Variants in CEBPZOS observed in about 807,000 individuals in gnomAD.
CEBPZOS encodes the protein protein CEBPZOS.
Under a neutral mutation model 4.8 loss-of-function variants are expected in CEBPZOS, and 10 were observed. That is an observed-to-expected ratio of 2.07 (90% CI 1.28 to 3.52). The LOEUF is 3.52. CEBPZOS is among the 30% of genes most tolerant of loss of function. The probability of loss-of-function intolerance (pLI) is 0.00; values close to 1 mark genes in which losing one functional copy is unlikely to be tolerated. For synonymous variants in CEBPZOS, 25 were observed against 14.2 expected (o/e 1.77, Z -1.72); for missense variants, 98 against 43.6 (o/e 2.25, Z -3.51).
chr2:37,209,265 A>G (rs1384776433), downstream of CEBPZOS: 1 of 152,168 alleles, frequency 6.6e-6, no homozygotes, highest in South Asian at 2.1e-4. Flanking sequence ...AAATGCCATC[A>G]TCATTCTTCA....
At chr2:37,205,345 G>C (rs1677500024), downstream of CEBPZOS, among the ~76,000 whole-genome samples, 1 of 152,120 alleles carries the variant, frequency 6.6e-6, no homozygotes, top group Non-Finnish European at 1.5e-5. Context: ...AAAATGGCCT[G>C]TTCCTGCCTT....
downstream of CEBPZOS, chr2:37,208,808 G>C (rs967945198): frequency 2.6e-5 from 4 of 152,072 alleles, no homozygotes; most frequent in Non-Finnish European, 4.4e-5. Flanking sequence ...CTGGACAAGA[G>C]AAAGAAAGGG....
At chr2:37,216,128 G>A (rs1283581741), downstream of CEBPZOS, 3 of 1,594,718 alleles carry the variant, frequency 1.9e-6, no homozygotes, top group Non-Finnish European at 1.7e-6. Flanking sequence ...ACTGTCTAAG[G>A]TTTATACTTA....
chr2:37,197,976 CAG>C (rs1036190174), intron 1 of CEBPZOS, among the ~76,000 whole-genome samples: 7 of 152,106 alleles, frequency 4.6e-5, no homozygotes, highest in Admixed American at 1.3e-4. Flanking sequence ...CCCTGGGCAA[CAG>C]GGTGAAATCC....
At chr2:37,199,263 G>A (rs753037469) in intron 1 of CEBPZOS, among the ~76,000 whole-genome samples, 30 of 152,088 alleles carry the variant, frequency 2.0e-4, no homozygotes, top group Non-Finnish European at 3.4e-4. Flanking sequence ...AAGAACTCCA[G>A]CCCTTTAGAA....
In CEBPZOS at chr2:37,212,867, CA is replaced by C. The variant is rs749522819; in HGVS notation, c.*3-559del. On this transcript the variant is annotated intron_variant, in intron 4 of 4. Transcript: ENST00000397064. Reference sequence around the variant, plus strand: ...AAAAAAAAAACAAAAACAACAACAACAAAAAAAAAAACAAAAAAAAAACGAG... The same window carrying C: ...AAAAAAAAAACAAAAACAACAACAACAAAAAAAAAACAAAAAAAAAACGAG... 3.6e-4 allele frequency among the ~76,000 whole-genome samples: 42 copies of C among 117,230 alleles called. No individual in the cohort carries two copies. The East Asian group carries it at 6.0e-3, about 17-fold the overall frequency. The allele number at this position is 117,230 out of a possible 152,430, so 76.9% of individuals were successfully genotyped here.
chr2:37,199,322 A>G (rs1677097658), intron 1 of CEBPZOS, among the ~76,000 whole-genome samples: 1 of 152,342 alleles, frequency 6.6e-6, no homozygotes, highest in African/African-American at 2.4e-5. Context: ...GCACTTTACA[A>G]AGAGCTGTTT....
chr2:37,197,521 TC>T (rs1324718120), intron 1 of CEBPZOS, among the ~76,000 whole-genome samples: 1 of 152,198 alleles, frequency 6.6e-6, no homozygotes, highest in African/African-American at 2.4e-5. Context: ...TTACTTCGAT[TC>T]CTTGAATAAT....
downstream of CEBPZOS, chr2:37,215,058 G>T: frequency 1.3e-6 from 1 of 753,630 alleles, no homozygotes; most frequent in Non-Finnish European, 2.2e-6. Context: ...AAAAATCTCA[G>T]AATTGTGTGG....
chr2:37,208,050 GA>G (rs548940134), downstream of CEBPZOS, among the ~76,000 whole-genome samples: 1 of 151,964 alleles, frequency 6.6e-6, no homozygotes, highest in African/African-American at 2.4e-5. Flanking sequence ...AAAACCTAGA[GA>G]AAAATGGATA....
chr2:37,198,536 A>T (rs572284846), intron 1 of CEBPZOS: 2 of 152,320 alleles, frequency 1.3e-5, no homozygotes, highest in South Asian at 4.1e-4. Flanking sequence ...AACACCTGAC[A>T]GCAGCGAGCT....
intron 1 of CEBPZOS, among the ~76,000 whole-genome samples, chr2:37,197,512 T>A (rs1266206650): frequency 6.6e-6 from 1 of 152,252 alleles, no homozygotes; most frequent in Non-Finnish European, 1.5e-5. Context: ...AACAAAATTT[T>A]ACTTCGATTC....
chr2:37,201,129 A>G (rs1558461541), intron 3 of CEBPZOS, 37 bp downstream of exon 3: 11 of 705,784 alleles, frequency 1.6e-5, no homozygotes, highest in Non-Finnish European at 2.6e-5. Flanking sequence ...GTATAAAACA[A>G]CTTCTTCAGG....
In CEBPZOS at chr2:37,201,915, G is replaced by A; in HGVS notation, c.*55G>A. Reference sequence around the variant, plus strand: ...AAGCTGTTTGAGACCTTTGAGAGAAGAAGAAAAGATGAGTGTACTACCACA... The same window carrying A: ...AAGCTGTTTGAGACCTTTGAGAGAAAAAGAAAAGATGAGTGTACTACCACA... On this transcript the variant is annotated 3_prime_UTR_variant, in exon 5 of 5. Transcript: ENST00000402297. The A allele has an allele frequency of 6.2e-7, 1 of 1,610,658 alleles. No homozygotes were observed. The highest frequency in any genetic ancestry group is 8.5e-7 in the Non-Finnish European group (1 of 1,178,958).
At chr2:37,216,121 G>C, downstream of CEBPZOS, 4 of 1,577,226 alleles carry the variant, frequency 2.5e-6, no homozygotes, top group Non-Finnish European at 3.5e-6. Flanking sequence ...AGTTTCAACT[G>C]TCTAAGGTTT....
Position 37,203,776 on chromosome 2 carries a change from A to G in CEBPZOS, c.*1916A>G, listed in dbSNP as rs1041042627. On this transcript the variant is annotated 3_prime_UTR_variant, in exon 5 of 5. Coordinates refer to ENST00000402297, the MANE Select transcript of CEBPZOS (RefSeq NM_001322374.2). ...TTTCTATGACTTGCCTTTTCTGGCT[A>G]TTTCATATAAATGGGATCATATGAC... 5.9e-5 allele frequency: 9 copies of G among 152,314 alleles called. No homozygotes were observed. The highest frequency in any genetic ancestry group is 1.4e-4 in the African/African-American group (6 of 41,574). The allele number at this position is 152,314 out of a possible 1,614,324, so 9.4% of individuals were successfully genotyped here.
intron 1 of CEBPZOS, among the ~76,000 whole-genome samples, chr2:37,197,998 A>G (rs1323804897): frequency 6.6e-6 from 1 of 152,078 alleles, no homozygotes; most frequent in Non-Finnish European, 1.5e-5. Context: ...CGTCTCTACT[A>G]AAATACAAAA....
chr2:37,206,570 C>G (rs1452463549), downstream of CEBPZOS, among the ~76,000 whole-genome samples: 1 of 152,168 alleles, frequency 6.6e-6, no homozygotes, highest in Non-Finnish European at 1.5e-5. Context: ...GTTGGCCAGG[C>G]TGGTCTTGAA....
At chr2:37,211,942 C>T in intron 4 of CEBPZOS, 1 of 1,613,798 alleles carries the variant, frequency 6.2e-7, no homozygotes, top group Non-Finnish European at 8.5e-7. Context: ...CCTAAAGAAA[C>T]TTCATCGTCA....
Sources: gnomAD v4.1 joint callset for allele counts (sites outside exome capture counted in the v4.1 genomes callset) on GRCh38, gnomAD v4.1.1 for gene constraint, MANE v1.5 for transcripts, NCBI Gene and HGNC (gene_info 2026-07-23, HGNC 2026-07-21) for gene names.